Variants in CACNG3 observed in about 807,000 individuals in gnomAD.
CACNG3 encodes calcium voltage-gated channel auxiliary subunit gamma 3, also known as voltage-dependent calcium channel gamma-3 subunit.
In CACNG3, 3 loss-of-function variants were observed where a neutral mutation model predicts 28.5. That is an observed-to-expected ratio of 0.11 (90% CI 0.05 to 0.27). The LOEUF is 0.27. Ranked by LOEUF, CACNG3 falls within the 10% of genes least tolerant of loss-of-function variation. CACNG3 has a pLI of 1.00. For synonymous variants in CACNG3, 174 were observed against 162.2 expected (o/e 1.07, Z -0.55); for missense variants, 236 against 414.4 (o/e 0.57, Z 3.74).
At chr16:24,290,145 T>C (rs1898947385) in intron 1 of CACNG3, among the ~76,000 whole-genome samples, 1 of 152,262 alleles carries the variant, frequency 6.6e-6, no homozygotes, top group African/African-American at 2.4e-5. Context: ...AAACATTTCA[T>C]ATATTTGTGG....
At chr16:24,263,174 T>C (rs908479942) in intron 1 of CACNG3, among the ~76,000 whole-genome samples, 9 of 152,340 alleles carry the variant, frequency 5.9e-5, no homozygotes, top group Admixed American at 2.0e-4. Flanking sequence ...TTTCATTCAT[T>C]AGAGGAGATA....
chr16:24,329,102 G>A (rs928735172), intron 1 of CACNG3, among the ~76,000 whole-genome samples: 1 of 152,172 alleles, frequency 6.6e-6, no homozygotes, highest in African/African-American at 2.4e-5. Flanking sequence ...TCGAGCAGGG[G>A]TGGGGGAACC....
intron 1 of CACNG3, among the ~76,000 whole-genome samples, chr16:24,292,404 G>C (rs1898978382): frequency 6.6e-6 from 1 of 152,168 alleles, no homozygotes; most frequent in Non-Finnish European, 1.5e-5. Flanking sequence ...AGGAACATTA[G>C]ATCAGCAGAG....
chr16:24,320,002 CAAG>C (rs560278270), intron 1 of CACNG3, among the ~76,000 whole-genome samples: 120 of 152,314 alleles, frequency 7.9e-4, no homozygotes, highest in African/African-American at 2.9e-3. Context: ...AACTCCTAAC[CAAG>C]TGATCTGCCT....
chr16:24,256,611 C>T lies in CACNG3; in HGVS notation c.-144C>T, dbSNP rs1187269602. ...CTCCAGAAAGGAAATCCCAGCTTTC[C>T]CAAAGTCCCTGTGGATGCTGACAAA... On this transcript the variant is annotated 5_prime_UTR_variant, in exon 1 of 4. Coordinates refer to ENST00000005284, the MANE Select transcript of CACNG3 (RefSeq NM_006539.4). The surrounding 1 kb of genome is among the most constrained non-coding windows in gnomAD (Gnocchi z 4.6). The T allele has an allele frequency of 7.6e-6, 5 of 655,606 alleles. No individual in the cohort carries two copies. The highest frequency in any genetic ancestry group is 1.4e-5 in the Non-Finnish European group (5 of 362,562). The allele number at this position is 655,606 out of a possible 1,614,324, so 40.6% of individuals were successfully genotyped here.
chr16:24,313,805 T>A (rs1899310026), intron 1 of CACNG3, among the ~76,000 whole-genome samples: 1 of 152,136 alleles, frequency 6.6e-6, no homozygotes, highest in Non-Finnish European at 1.5e-5. Flanking sequence ...AGGGCAGTGG[T>A]GTGATCTCGG....
chr16:24,360,270 C>T (rs1318759495), intron 3 of CACNG3, among the ~76,000 whole-genome samples: 6 of 152,110 alleles, frequency 3.9e-5, no homozygotes, highest in Admixed American at 6.6e-5. Context: ...ATATCCCCTT[C>T]GGAGTAAGAA....
chr16:24,318,183 T>C lies in CACNG3; in HGVS notation c.212-28551T>C, dbSNP rs141038937. ...CACGTAGGAGGCACTCAGTATATCC[T>C]TTTGTATTTTTTTTTTCATTTTTCT... On this transcript the variant is annotated intron_variant, in intron 1 of 3. Coordinates refer to ENST00000005284, the MANE Select transcript of CACNG3 (RefSeq NM_006539.4). 2.6e-5 allele frequency among the ~76,000 whole-genome samples: 4 copies of C among 152,216 alleles called. No homozygotes were observed. In the East Asian group the frequency reaches 7.7e-4, roughly 29 times the overall value.
At chr16:24,317,701 A>G (rs1647140116) in intron 1 of CACNG3, among the ~76,000 whole-genome samples, 1 of 109,674 alleles carries the variant, frequency 9.1e-6, no homozygotes, top group Non-Finnish European at 1.9e-5. Context: ...AGAAAGAAAG[A>G]AAGAAAGAAA....
At chr16:24,337,620 C>A (rs1403653677) in intron 1 of CACNG3, among the ~76,000 whole-genome samples, 3 of 151,804 alleles carry the variant, frequency 2.0e-5, no homozygotes, top group Non-Finnish European at 2.9e-5. Context: ...AGTTTGAGAC[C>A]TGCCTGGGCA....
chr16:24,336,889 A>T (rs973558406), intron 1 of CACNG3, among the ~76,000 whole-genome samples: 1 of 152,068 alleles, frequency 6.6e-6, no homozygotes, highest in Non-Finnish European at 1.5e-5. Flanking sequence ...ATCATAGCTC[A>T]CTGCAGCCTC....
At chr16:24,349,496 A>G (rs1422687354) in intron 2 of CACNG3, among the ~76,000 whole-genome samples, 3 of 152,224 alleles carry the variant, frequency 2.0e-5, no homozygotes, top group Non-Finnish European at 4.4e-5. Flanking sequence ...CGAATTATTC[A>G]TAAGTTTTCC....
At chr16:24,346,152 G>C (rs1681722374) in intron 1 of CACNG3, among the ~76,000 whole-genome samples, 1 of 152,170 alleles carries the variant, frequency 6.6e-6, no homozygotes, top group South Asian at 2.1e-4. Context: ...ATGTTTCATG[G>C]TGTTTTTGCG....
intron 1 of CACNG3, among the ~76,000 whole-genome samples, chr16:24,302,181 C>A (rs1899121963): frequency 6.6e-6 from 1 of 152,186 alleles, no homozygotes; most frequent in South Asian, 2.1e-4. Flanking sequence ...TGTCTGCCTC[C>A]AATCCATGTT....
chr16:24,282,413 T>G (rs1378303975), intron 1 of CACNG3, among the ~76,000 whole-genome samples: 4 of 151,946 alleles, frequency 2.6e-5, no homozygotes, highest in Non-Finnish European at 4.4e-5. Flanking sequence ...TTCCTTTTTT[T>G]TTTTTTAAAC....
chr16:24,333,972 A>G (rs1899666842), intron 1 of CACNG3, among the ~76,000 whole-genome samples: 1 of 152,156 alleles, frequency 6.6e-6, no homozygotes, highest in African/African-American at 2.4e-5. Flanking sequence ...AAGTAATTCC[A>G]ATGTGAACCA....
chr16:24,283,089 C>T (rs773024137), intron 1 of CACNG3, among the ~76,000 whole-genome samples: 3 of 151,950 alleles, frequency 2.0e-5, no homozygotes, highest in Admixed American at 2.0e-4. Flanking sequence ...AAGATGGTCT[C>T]GATCGCCTAA....
intron 3 of CACNG3, among the ~76,000 whole-genome samples, chr16:24,356,693 C>A (rs1333381227): frequency 6.6e-6 from 1 of 151,780 alleles, no homozygotes; most frequent in African/African-American, 2.4e-5. Context: ...CAGAGCAAGA[C>A]CCTGTCTCAA....
At chr16:24,321,373 A>G (rs7186661) in intron 1 of CACNG3, among the ~76,000 whole-genome samples, 118,283 of 151,822 alleles carry the variant, frequency 0.78, 46,153 homozygotes, top group Middle Eastern at 0.88. Context: ...CTTGAACCTC[A>G]GAGGTTGCAA....
Sources: gnomAD v4.1 joint callset for allele counts (sites outside exome capture counted in the v4.1 genomes callset) on GRCh38, gnomAD v4.1.1 for gene constraint, Gnocchi (gnomAD v3.1) non-coding constraint, MANE v1.5 for transcripts, NCBI Gene and HGNC (gene_info 2026-07-23, HGNC 2026-07-21) for gene names.